IQGAP1: variants seen among roughly 807,000 people sequenced by gnomAD.
The protein encoded by IQGAP1 is ras GTPase-activating-like protein IQGAP1.
Under a neutral mutation model 215.6 loss-of-function variants are expected in IQGAP1, and 66 were observed. That is an observed-to-expected ratio of 0.31 (90% CI 0.25 to 0.38). The LOEUF (loss-of-function observed/expected upper bound fraction) is 0.38. IQGAP1 is among the 10% of genes least tolerant of loss of function. The probability of loss-of-function intolerance (pLI) is 1.00; values close to 1 mark genes in which losing one functional copy is unlikely to be tolerated. For missense variants in IQGAP1, 1,712 were observed against 1,997.1 expected, an observed-to-expected ratio of 0.86 and a Z score of 2.72; for synonymous variants, 772 against 728.7, an observed-to-expected ratio of 1.06 and a Z score of -0.96.
chr15:90,416,431 G>A (rs1965049585), intron 2 of IQGAP1, among the ~76,000 whole-genome samples: 1 of 152,134 alleles, frequency 6.6e-6, no homozygotes, highest in African/African-American at 2.4e-5. Context: ...GTAATGGGAT[G>A]GCTGGGTCAA....
At chr15:90,488,962 G>C (rs1167760085) in intron 33 of IQGAP1, among the ~76,000 whole-genome samples, 2 of 152,108 alleles carry the variant, frequency 1.3e-5, no homozygotes, top group Admixed American at 6.5e-5. Context: ...CCTCTGTAAG[G>C]TTGAAGACCA....
chr15:90,461,983 C>T (rs28448430), intron 15 of IQGAP1, among the ~76,000 whole-genome samples: 1 of 85,750 alleles, frequency 1.2e-5, no homozygotes, highest in East Asian at 2.3e-4. Context: ...ACTAAAAACA[C>T]AAAAAAAAAA....
At chr15:90,429,506 G>T in intron 3 of IQGAP1, 83 bp from the exon 4 acceptor site, 1 of 1,055,938 alleles carries the variant, frequency 9.5e-7, no homozygotes, top group South Asian at 1.6e-5. Flanking sequence ...CAAATCTCTT[G>T]AGGAAACTTT....
At chr15:90,449,686 T>A (rs1267623956) in intron 11 of IQGAP1, 43 bp downstream of exon 11, 1 of 1,517,346 alleles carries the variant, frequency 6.6e-7, no homozygotes, top group Non-Finnish European at 9.0e-7. Flanking sequence ...GTTGTGGCTT[T>A]GTGTTATTGA....
intron 33 of IQGAP1, 87 bp downstream of exon 33, chr15:90,487,669 A>G (rs1283645756): frequency 3.4e-6 from 3 of 880,700 alleles, no homozygotes; most frequent in African/African-American, 3.3e-5. Context: ...GGAGACACAA[A>G]TAACAGTTGG....
chr15:90,434,126 A>G (rs1033870408), intron 5 of IQGAP1, among the ~76,000 whole-genome samples: 1 of 152,080 alleles, frequency 6.6e-6, no homozygotes, highest in African/African-American at 2.4e-5. Flanking sequence ...TTGTTAAGCC[A>G]TTTGTTCATT....
chr15:90,479,109 A>T (rs1435361518), intron 26 of IQGAP1, among the ~76,000 whole-genome samples: 1 of 152,202 alleles, frequency 6.6e-6, no homozygotes, highest in Non-Finnish European at 1.5e-5. Flanking sequence ...TAGATCATGC[A>T]TGAAGCTCTC....
At chr15:90,431,484 C>G (rs1397286309) in intron 4 of IQGAP1, among the ~76,000 whole-genome samples, 1 of 152,104 alleles carries the variant, frequency 6.6e-6, no homozygotes, top group Admixed American at 6.5e-5. Context: ...TTGAATGTTA[C>G]TAAGAGCTTT....
chr15:90,407,196 C>T (rs933654310), intron 2 of IQGAP1, among the ~76,000 whole-genome samples: 1 of 152,156 alleles, frequency 6.6e-6, no homozygotes, highest in East Asian at 1.9e-4. Flanking sequence ...AGTTGTTGCT[C>T]TGGGATGAGA....
At chr15:90,476,086 C>A (rs2151033189) in intron 23 of IQGAP1, among the ~76,000 whole-genome samples, 1 of 152,138 alleles carries the variant, frequency 6.6e-6, no homozygotes, top group Non-Finnish European at 1.5e-5. Context: ...CAGGTGCATG[C>A]CACCACGTCT....
intron 2 of IQGAP1, among the ~76,000 whole-genome samples, chr15:90,402,300 A>G (rs1299343774): frequency 6.6e-6 from 1 of 152,224 alleles, no homozygotes; most frequent in Non-Finnish European, 1.5e-5. Flanking sequence ...CTTGTTTGTT[A>G]AAGAGTTACC....
chr15:90,463,516 T>C (rs1051545602), intron 15 of IQGAP1, among the ~76,000 whole-genome samples: 3 of 152,244 alleles, frequency 2.0e-5, no homozygotes, highest in Non-Finnish European at 4.4e-5. Flanking sequence ...TGCAGCTGAC[T>C]CATTGTATTG....
At chr15:90,421,262 G>A (rs1194317886) in intron 2 of IQGAP1, among the ~76,000 whole-genome samples, 2 of 152,128 alleles carry the variant, frequency 1.3e-5, no homozygotes, top group Non-Finnish European at 2.9e-5. Flanking sequence ...GATCACCTGA[G>A]GTCAGGAGTT....
chr15:90,471,792 G>T (rs961147422), intron 18 of IQGAP1, among the ~76,000 whole-genome samples: 1 of 150,960 alleles, frequency 6.6e-6, no homozygotes, highest in Non-Finnish European at 1.5e-5. Flanking sequence ...GAGCCACCAC[G>T]CCTGGCCACT....
At chr15:90,404,600 C>G (rs1454549903) in intron 2 of IQGAP1, among the ~76,000 whole-genome samples, 3 of 151,836 alleles carry the variant, frequency 2.0e-5, no homozygotes, top group Admixed American at 1.3e-4. Flanking sequence ...TCCACTTTGT[C>G]CTTTAATTTT....
At chr15:90,453,762 C>G (rs1596274370) in intron 13 of IQGAP1, among the ~76,000 whole-genome samples, 1 of 152,174 alleles carries the variant, frequency 6.6e-6, no homozygotes, top group Non-Finnish European at 1.5e-5. Flanking sequence ...ATGGATAGTT[C>G]TAGTTGCTTT....
intron 11 of IQGAP1, among the ~76,000 whole-genome samples, chr15:90,450,815 G>GTTTTTTTTTTT (rs74753086): frequency 7.9e-6 from 1 of 127,102 alleles, no homozygotes; most frequent in African/African-American, 2.8e-5. Context: ...GTTTTTTTTT[G>GTTTTTTTTTTT]TTTTTTTTTT....
chr15:90,480,725 A>G (rs941404417), intron 26 of IQGAP1, among the ~76,000 whole-genome samples: 4 of 152,054 alleles, frequency 2.6e-5, no homozygotes, highest in Admixed American at 6.6e-5. Context: ...CTGGAGTGCA[A>G]TGGTGTAATC....
At chr15:90,407,854 A>G (rs1240584577) in intron 2 of IQGAP1, among the ~76,000 whole-genome samples, 1 of 152,230 alleles carries the variant, frequency 6.6e-6, no homozygotes, top group East Asian at 1.9e-4. Context: ...GAAAGTATAA[A>G]ACAGTCCTGC....
Sources: allele counts gnomAD v4.1 joint callset (sites outside exome capture counted in the v4.1 genomes callset), GRCh38; gene constraint gnomAD v4.1.1; transcripts MANE v1.5; gene names NCBI Gene and HGNC (gene_info 2026-07-23, HGNC 2026-07-21).